TNN: variants seen among roughly 807,000 people sequenced by gnomAD.
The protein encoded by TNN is tenascin-N.
Under a neutral mutation model 134.4 loss-of-function variants are expected in TNN, and 122 were observed. That is an observed-to-expected ratio of 0.91 (90% CI 0.78 to 1.06). TNN has a LOEUF of 1.06. Among genes scored for constraint, TNN ranks in the 50% least tolerant of loss-of-function variants. TNN has a pLI of 0.00. For synonymous variants in TNN, 710 were observed against 670.3 expected, an observed-to-expected ratio of 1.06 and a Z score of -0.91; for missense variants, 1,739 against 1,699.4, an observed-to-expected ratio of 1.02 and a Z score of -0.41.
chr1:175,101,257 G>T (rs762082851), intron 9 of TNN, among the ~76,000 whole-genome samples: 1 of 151,970 alleles, frequency 6.6e-6, no homozygotes, highest in African/African-American at 2.4e-5. Flanking sequence ...TGGATCAGGA[G>T]TGAAGCTGCA....
At chr1:175,115,219 A>T (rs753876126) in intron 9 of TNN, among the ~76,000 whole-genome samples, 12 of 152,242 alleles carry the variant, frequency 7.9e-5, no homozygotes, top group Non-Finnish European at 1.3e-4. Context: ...CCAGTGGGCA[A>T]TGTGCCACTC....
chr1:175,069,150 G>A (rs1673862535), intron 1 of TNN, among the ~76,000 whole-genome samples: 1 of 152,102 alleles, frequency 6.6e-6, no homozygotes, highest in African/African-American at 2.4e-5. Context: ...ACACAGGTTA[G>A]CCACAGTGCC....
At chr1:175,093,860 T>G in intron 6 of TNN, 130 bp from the exon 7 acceptor site, 2 of 903,130 alleles carry the variant, frequency 2.2e-6, no homozygotes, top group South Asian at 1.9e-5. Flanking sequence ...TCACTGATGA[T>G]GGAGAGACCC....
chr1:175,067,912 A>G lies in TNN; in HGVS notation c.-59A>G. On this transcript the variant is annotated 5_prime_UTR_variant, in exon 1 of 19. Transcript: ENST00000239462. ...CGGCTCACAGGAGCAGCAGCATTGG[A>G]AGAGGCACCCAGCAGCCTCCCAGGT... 2.0e-6 allele frequency: 1 copy of G among 490,746 alleles called. No homozygotes were observed. The highest frequency in any genetic ancestry group is 1.5e-5 in the South Asian group (1 of 66,876). The allele number at this position is 490,746 out of a possible 1,614,324, so 30.4% of individuals were successfully genotyped here.
At chr1:175,099,588 CAGG>C (rs139547866) in intron 9 of TNN, among the ~76,000 whole-genome samples, 1,252 of 40,032 alleles carry the variant, frequency 0.031, 33 homozygotes, top group African/African-American at 0.13. Context: ...GATGAGGGCT[CAGG>C]AGGAGGAGAG....
chr1:175,092,760 G>C (rs1419836921), intron 6 of TNN, among the ~76,000 whole-genome samples: 1 of 152,102 alleles, frequency 6.6e-6, no homozygotes, highest in Non-Finnish European at 1.5e-5. Context: ...AGATATCCCT[G>C]TCTCTATAAA....
intron 9 of TNN, among the ~76,000 whole-genome samples, chr1:175,099,894 A>C (rs1375441590): frequency 6.6e-6 from 1 of 151,760 alleles, no homozygotes; most frequent in Non-Finnish European, 1.5e-5. Context: ...TTCCTCTGCC[A>C]ATACATCAGG....
At chr1:175,083,159 G>A (rs187787346) in intron 4 of TNN, among the ~76,000 whole-genome samples, 1 of 152,300 alleles carries the variant, frequency 6.6e-6, no homozygotes, top group East Asian at 1.9e-4. Context: ...ACACTCAGAT[G>A]GACCAAGTTA....
chr1:175,077,876 A>G (rs1250016176), intron 2 of TNN, 49 bp downstream of exon 2: 6 of 1,556,116 alleles, frequency 3.9e-6, no homozygotes, highest in Non-Finnish European at 5.2e-6. Context: ...ATGAGCACCT[A>G]TTATGTGCCA....
At chr1:175,069,212 A>G (rs7533272) in intron 1 of TNN, among the ~76,000 whole-genome samples, 107,778 of 152,110 alleles carry the variant, frequency 0.71, 38,978 homozygotes, top group African/African-American at 0.86. Context: ...GCATCAGATG[A>G]TACCTTGCTC....
intron 15 of TNN, among the ~76,000 whole-genome samples, chr1:175,135,396 A>T (rs1675773288): frequency 2.0e-5 from 3 of 152,194 alleles, no homozygotes; most frequent in African/African-American, 7.2e-5. Flanking sequence ...CGCTATATTA[A>T]GAATCAGGTG....
intron 9 of TNN, among the ~76,000 whole-genome samples, chr1:175,103,761 C>T (rs1326778054): frequency 6.9e-6 from 1 of 144,386 alleles, no homozygotes; most frequent in Non-Finnish European, 1.5e-5. Flanking sequence ...CTTTCTCTGA[C>T]TTTCTCTTTC....
intron 9 of TNN, among the ~76,000 whole-genome samples, chr1:175,104,222 A>G (rs573539807): frequency 1.4e-5 from 2 of 145,798 alleles, no homozygotes; most frequent in Admixed American, 6.9e-5. Flanking sequence ...GGAGATTAAC[A>G]CTGAGAAGGC....
intron 17 of TNN, among the ~76,000 whole-genome samples, chr1:175,143,572 T>C (rs1675989242): frequency 6.6e-6 from 1 of 150,992 alleles, no homozygotes; most frequent in Non-Finnish European, 1.5e-5. Context: ...ATAAAGAGAA[T>C]CTTCTTTAGA....
intron 6 of TNN, among the ~76,000 whole-genome samples, chr1:175,090,788 C>A (rs548292062): frequency 1.3e-5 from 2 of 152,306 alleles, no homozygotes; most frequent in African/African-American, 4.8e-5. Context: ...TTTATTCTAA[C>A]TAACGTATGT....
Position 175,128,696 on chromosome 1 carries a change from C to T in TNN, c.3280C>T (p.Arg1094Trp), listed in dbSNP as rs756803910. ...CATCTACCTGCATGGCGATGCCAGC[C>T]GGCCCCTGCAGGTGTACTGTGACAT... ...YTIYLHGDAS[R>W]PLQVYCDMET... Residue 1094 changes from arginine to tryptophan, a missense_variant, in exon 15 of 19, where the codon CGG becomes TGG. Physicochemically the swap from Arg to Trp is moderately radical, Grantham distance 101 (BLOSUM62 -3). Coordinates refer to ENST00000239462, the MANE Select transcript of TNN (RefSeq NM_022093.2). The T allele has an allele frequency of 2.5e-5, 41 of 1,613,914 alleles. No individual in the cohort carries two copies. The highest frequency in any genetic ancestry group is 8.0e-5 in the African/African-American group (6 of 74,898).
chr1:175,078,760 G>T (rs1184470608), intron 2 of TNN, among the ~76,000 whole-genome samples: 3 of 152,336 alleles, frequency 2.0e-5, no homozygotes, highest in East Asian at 3.9e-4. Flanking sequence ...TCAGAGAGGG[G>T]AGCCTGGTTA....
Position 175,097,498 on chromosome 1 carries a change from C to T in TNN, c.1670C>T (p.Thr557Ile), listed in dbSNP as rs1674598683. The T allele has an allele frequency of 6.2e-7, 1 of 1,614,080 alleles. No individual in the cohort carries two copies. Among genetic ancestry groups the T allele is most frequent in the African/African-American group, 1.3e-5 (1 of 74,928 alleles). ...ATCTCCTGGGACCCGGTACAGGCCA[C>T]CATTGACAAGTACGTGGTGCGCTAC... ...ATISWDPVQA[T>I]IDKYVVRYTS... is the part of the protein sequence containing the mutation. Residue 557 changes from threonine (T) to isoleucine (I), a missense_variant, in exon 8 of 19, where the codon ACC becomes ATC. Physicochemically the swap from Thr to Ile is moderately conservative, Grantham distance 89. Transcript: ENST00000239462.
intron 13 of TNN, among the ~76,000 whole-genome samples, chr1:175,127,505 C>T (rs1241621509): frequency 2.0e-5 from 3 of 152,208 alleles, no homozygotes; most frequent in East Asian, 1.9e-4. Context: ...AGGAAGGACA[C>T]TTAGGTTTAT....
Sources: gnomAD v4.1 joint callset for allele counts (sites outside exome capture counted in the v4.1 genomes callset) on GRCh38, gnomAD v4.1.1 for gene constraint, MANE v1.5 for transcripts, NCBI Gene and HGNC (gene_info 2026-07-23, HGNC 2026-07-21) for gene names.